NOTCH1: variants seen among roughly 807,000 people sequenced by gnomAD.
NOTCH1 encodes the protein notch receptor 1.
A neutral mutation model predicts 254.8 loss-of-function variants in NOTCH1; 37 were observed. The observed-to-expected ratio is 0.15, with a 90% CI of 0.11 to 0.19. The LOEUF is 0.19. Ranked by LOEUF, NOTCH1 falls within the 10% of genes least tolerant of loss-of-function variation. The pLI is 1.00. For missense variants in NOTCH1, 2,972 were observed against 3,708.6 expected (o/e 0.80, Z 5.16); for synonymous variants, 1,731 against 1,618.1 (o/e 1.07, Z -1.68).
Position 136,496,622 on chromosome 9 carries a change from G to A in NOTCH1, c.7117C>T (p.Leu2373=), listed in dbSNP as rs1408779958. The change falls in exon 34 of 34, where the codon CTG becomes TTG. Residue 2373 remains leucine, a synonymous_variant. Transcript: ENST00000651671. ...MSYQGLPSTR[L]ATQPHLVQTQ... Reference sequence around the variant, plus strand: ...TGCACCAGGTGAGGCTGGGTGGCCAGCCGGGTGCTGGGCAGGCCCTGGTAG... The same window carrying A: ...TGCACCAGGTGAGGCTGGGTGGCCAACCGGGTGCTGGGCAGGCCCTGGTAG... 6.2e-7 allele frequency: 1 copy of A among 1,613,090 alleles called. No homozygotes were observed. The highest frequency in any genetic ancestry group is 2.2e-5 in the East Asian group (1 of 44,888).
At chr9:136,498,772 G>T in intron 33 of NOTCH1, 127 bp downstream of exon 33, 1 of 1,084,916 alleles carries the variant, frequency 9.2e-7, no homozygotes, top group Non-Finnish European at 1.4e-6. Context: ...GGGCCCACAT[G>T]CGGGCCCAGC....
At position 136,545,875 on chromosome 9, in the gene NOTCH1, C is replaced by T; in HGVS notation, c.-89G>A. ...GACGCACACGCGCGGCGTACGGTCC[C>T]GGGGCGGCGGCGGACGGTCCCGCCC... On this transcript the variant is annotated 5_prime_UTR_variant, in exon 1 of 34. Transcript: ENST00000651671. The surrounding 1 kb of genome is among the most constrained non-coding windows in gnomAD (Gnocchi z 6.8). The T allele has an allele frequency of 4.6e-6, 3 of 649,408 alleles. No individual in the cohort carries two copies. The highest frequency in any genetic ancestry group is 5.7e-5 in the East Asian group (1 of 17,494). 40.2% of individuals were successfully genotyped at this position (649,408 alleles called of 1,614,324 possible). A position where few individuals can be genotyped will look rare whatever the true frequency, so the allele number is the denominator to read the frequency against.
chr9:136,508,774 G>A (rs1030189441), intron 19 of NOTCH1, 96 bp downstream of exon 19: 25 of 1,253,568 alleles, frequency 2.0e-5, no homozygotes, highest in Admixed American at 9.3e-5. Flanking sequence ...ACCCCGAGCC[G>A]ACACAGTGGG....
rs1437277721 is a variant in NOTCH1, at chr9:136,515,270, C to T, written c.2014+20G>A. The T allele has an allele frequency of 5.0e-6, 8 of 1,607,982 alleles. No homozygotes were observed. Among genetic ancestry groups the T allele is most frequent in the Non-Finnish European group, 6.8e-6 (8 of 1,175,910 alleles). On this transcript the variant is annotated intron_variant, in intron 12 of 33. Coordinates refer to ENST00000651671, the MANE Select transcript of NOTCH1 (RefSeq NM_017617.5). ...CCTCTGAGCACAGTGCAGTCAGCCC[C>T]CACGTGCAGGGCCGCTCACCTGTGT...
At chr9:136,498,807 G>A in intron 33 of NOTCH1, 92 bp downstream of exon 33, 2 of 1,448,228 alleles carry the variant, frequency 1.4e-6, no homozygotes, top group Non-Finnish European at 9.6e-7. Context: ...TGTGGGTCAG[G>A]CCCTTGTGTC....
At chr9:136,499,326 G>C (rs542011954) in intron 31 of NOTCH1, 67 bp from the exon 32 acceptor site, 1 of 1,580,298 alleles carries the variant, frequency 6.3e-7, no homozygotes, top group Non-Finnish European at 8.6e-7. Context: ...TGCCCAGAAC[G>C]AACGCCTGGA....
chr9:136,536,451 G>C (rs1017058800), intron 2 of NOTCH1, among the ~76,000 whole-genome samples: 1 of 152,184 alleles, frequency 6.6e-6, no homozygotes, highest in African/African-American at 2.4e-5. Flanking sequence ...GCAGCCTGGA[G>C]CCAATCACAC....
intron 2 of NOTCH1, among the ~76,000 whole-genome samples, chr9:136,542,406 C>T (rs1010361537): frequency 6.6e-6 from 1 of 152,052 alleles, no homozygotes; most frequent in Non-Finnish European, 1.5e-5. Flanking sequence ...AATCACACGG[C>T]ATTAATCCGC....
intron 2 of NOTCH1, among the ~76,000 whole-genome samples, chr9:136,524,613 T>C (rs1039502522): frequency 3.3e-5 from 5 of 150,326 alleles, no homozygotes; most frequent in Non-Finnish European, 7.4e-5. Flanking sequence ...AGCCCCTTCC[T>C]ACGTGGAAGC....
At chr9:136,517,458 G>A (rs1044515232) in intron 8 of NOTCH1, 73 bp from the exon 9 acceptor site, 2 of 1,097,892 alleles carry the variant, frequency 1.8e-6, no homozygotes, top group Non-Finnish European at 2.7e-6. Context: ...GTGGACTTGG[G>A]ACAGAAACGA....
At chr9:136,527,202 G>C (rs1843476319) in intron 2 of NOTCH1, among the ~76,000 whole-genome samples, 1 of 152,218 alleles carries the variant, frequency 6.6e-6, no homozygotes, top group Non-Finnish European at 1.5e-5. Flanking sequence ...CAGAGCTGGA[G>C]CACCCTACAG....
intron 15 of NOTCH1, 146 bp from the exon 16 acceptor site, chr9:136,511,417 C>T: frequency 9.8e-7 from 1 of 1,021,982 alleles, no homozygotes; most frequent in Non-Finnish European, 1.4e-6. Flanking sequence ...CCTGAGCGCT[C>T]CCGGCTGTGC....
chr9:136,515,164 G>C, intron 12 of NOTCH1, 126 bp downstream of exon 12: 1 of 852,376 alleles, frequency 1.2e-6, no homozygotes. Context: ...CTCTGCTGCA[G>C]ACCACGGTCT....
At chr9:136,535,031 C>CCTCCCCACAGAGCCCCCGAGTCT (rs1564210465) in intron 2 of NOTCH1, among the ~76,000 whole-genome samples, 3 of 15,790 alleles carry the variant, frequency 1.9e-4, no homozygotes, top group Admixed American at 6.5e-4. Flanking sequence ...CCCCCGAGTC[C>CCTCCCCACAGAGCCCCCGAGTCT]GTCCCCACAG....
intron 2 of NOTCH1, among the ~76,000 whole-genome samples, chr9:136,542,548 A>G (rs920353294): frequency 6.6e-6 from 1 of 150,424 alleles, no homozygotes; most frequent in Non-Finnish European, 1.5e-5. Context: ...AAAAAGCAAA[A>G]AAAAAAAAAA....
At position 136,540,176 on chromosome 9, in the gene NOTCH1, C is replaced by T. The variant is rs537849865; in HGVS notation, c.140+3848G>A. Among the ~76,000 whole-genome samples, 8 of 152,334 alleles carry T rather than the reference C, an allele frequency of 5.3e-5. No individual in the cohort carries two copies. The East Asian group carries it at 1.2e-3, about 22-fold the overall frequency. On this transcript the variant is annotated intron_variant, in intron 2 of 33. Coordinates refer to ENST00000651671, the MANE Select transcript of NOTCH1 (RefSeq NM_017617.5). This position sits in a 1 kb window ranked among gnomAD's most constrained non-coding sequence, Gnocchi z 4.4. ...CACCACCGGGCCGGCACACCCCCAA[C>T]ATGTCCCACATGTGAGCTAGGTGCC...
chr9:136,528,773 T>C (rs893472905), intron 2 of NOTCH1, among the ~76,000 whole-genome samples: 10 of 152,062 alleles, frequency 6.6e-5, no homozygotes, highest in Non-Finnish European at 1.3e-4. Flanking sequence ...CCCGGCCCAC[T>C]GTCCTGCCAC....
chr9:136,535,512 GTGGGT>G (rs1843634291), intron 2 of NOTCH1, among the ~76,000 whole-genome samples: 1 of 49,788 alleles, frequency 2.0e-5, no homozygotes, highest in Non-Finnish European at 3.5e-5. Flanking sequence ...CAGGGTGGGA[GTGGGT>G]GGAGGGGGGA....
Position 136,499,123 on chromosome 9 carries a change from A to G in NOTCH1, c.6071T>C (p.Val2024Ala). ...CCCCGTGGGCTCACCCAGGTCATCT[A>G]CGGCGTTGACGTCGGCGTGTGAGTT... Reference protein sequence around the residue: ...LINSHADVNAVDDLGKSALHW... With the variant: ...LINSHADVNAADDLGKSALHW... Residue 2024 changes from valine (V) to alanine (A), a missense_variant, in exon 32 of 34, where the codon GTA (valine) becomes GCA (alanine). This residue lies in a region of NOTCH1 where 421 missense variants were observed against 604.4 expected (regional missense o/e 0.70). Transcript: ENST00000651671. 1 of 1,613,144 alleles carries G rather than the reference A, an allele frequency of 6.2e-7. No homozygotes were observed. Among genetic ancestry groups the G allele is most frequent in the South Asian group, 1.1e-5 (1 of 91,080 alleles).
Sources: gnomAD v4.1 joint callset for allele counts (sites outside exome capture counted in the v4.1 genomes callset) on GRCh38, gnomAD v4.1.1 for gene constraint, gnomAD v4.1.1 regional missense constraint, Gnocchi (gnomAD v3.1) non-coding constraint, MANE v1.5 for transcripts, NCBI Gene and HGNC (gene_info 2026-07-23, HGNC 2026-07-21) for gene names.